Variants in PRKG1 observed in about 807,000 individuals in gnomAD.
PRKG1 encodes the protein protein kinase cGMP-dependent 1.
A neutral mutation model predicts 88.1 loss-of-function variants in PRKG1; 35 were observed. That is an observed-to-expected ratio of 0.40 (90% CI 0.30 to 0.53). PRKG1 has a LOEUF of 0.53. Ranked by LOEUF, PRKG1 falls within the 20% of genes least tolerant of loss-of-function variation. The probability of loss-of-function intolerance (pLI) is 0.59; values close to 1 mark genes in which losing one functional copy is unlikely to be tolerated. For missense variants in PRKG1, 540 were observed against 839.8 expected (o/e 0.64, Z 4.41); for synonymous variants, 303 against 292.5 (o/e 1.04, Z -0.37).
intron 9 of PRKG1, among the ~76,000 whole-genome samples, chr10:52,206,372 T>G (rs2132789864): frequency 6.6e-6 from 1 of 152,290 alleles, no homozygotes. Context: ...ATCTCCATGA[T>G]CTTCACTCCT....
intron 5 of PRKG1, among the ~76,000 whole-genome samples, chr10:52,048,936 T>C (rs1845924481): frequency 6.6e-6 from 1 of 152,180 alleles, no homozygotes; most frequent in African/African-American, 2.4e-5. Context: ...TGTTAGGCAC[T>C]GTTCAAACTG....
chr10:51,032,055 G>C (rs929688335), intron 1 of PRKG1, among the ~76,000 whole-genome samples: 7 of 152,156 alleles, frequency 4.6e-5, no homozygotes, highest in African/African-American at 4.8e-5. Context: ...GAAGTTGAGT[G>C]GGGGGAACTG....
rs1330202552 is a variant in PRKG1 at position 51,369,078 on chromosome 10, G to T, written c.479-98645G>T. ...ATACCTGGAGATTTCGAAGCCCAAGGCTCGTGTTTCTTCAGCTGAAAATCA... is the reference window on the plus strand; with the variant it reads ...ATACCTGGAGATTTCGAAGCCCAAGTCTCGTGTTTCTTCAGCTGAAAATCA... On this transcript the variant is annotated intron_variant, in intron 2 of 17. Coordinates refer to ENST00000373980, the MANE Select transcript of PRKG1 (RefSeq NM_006258.4). 2.6e-5 allele frequency among the ~76,000 whole-genome samples: 4 copies of T among 152,138 alleles called. No homozygotes were observed. The South Asian group carries it at 6.2e-4, about 24-fold the overall frequency.
chr10:51,255,721 A>T (rs1289934953), intron 2 of PRKG1, among the ~76,000 whole-genome samples: 1 of 151,226 alleles, frequency 6.6e-6, no homozygotes, highest in East Asian at 1.9e-4. Context: ...ACTTTTATTA[A>T]ATGGTTAGGC....
intron 1 of PRKG1, among the ~76,000 whole-genome samples, chr10:51,029,105 G>C (rs1276976281): frequency 2.0e-5 from 3 of 152,104 alleles, no homozygotes; most frequent in African/African-American, 7.2e-5. Context: ...TAAATTTGCA[G>C]TGTAAGGTTA....
intron 8 of PRKG1, among the ~76,000 whole-genome samples, chr10:52,156,473 A>G (rs1254392711): frequency 6.6e-6 from 1 of 151,782 alleles, no homozygotes; most frequent in East Asian, 1.9e-4. Flanking sequence ...TAGGTATTGT[A>G]TATGTACATA....
chr10:52,156,547 G>A (rs1461420283), intron 8 of PRKG1, among the ~76,000 whole-genome samples: 3 of 151,746 alleles, frequency 2.0e-5, no homozygotes, highest in East Asian at 1.9e-4. Flanking sequence ...ATAAATGGAT[G>A]GATAACTGGG....
At chr10:51,371,151 G>A (rs911154781) in intron 2 of PRKG1, among the ~76,000 whole-genome samples, 3 of 152,088 alleles carry the variant, frequency 2.0e-5, no homozygotes, top group Non-Finnish European at 4.4e-5. Context: ...TAAGGTCCGT[G>A]ATTGGGATTT....
chr10:51,966,989 G>T (rs1467473855), intron 5 of PRKG1, among the ~76,000 whole-genome samples: 2 of 152,180 alleles, frequency 1.3e-5, no homozygotes, highest in East Asian at 3.9e-4. Context: ...AACCATTGTG[G>T]AAGTCAGTGT....
chr10:51,531,637 CTTTTTTTTTTTTT>C (rs34091409), intron 3 of PRKG1, among the ~76,000 whole-genome samples: 4 of 67,852 alleles, frequency 5.9e-5, no homozygotes, highest in Non-Finnish European at 1.0e-4. Context: ...AAAAAGAATT[CTTTTTTTTTTTTT>C]TTTTTTTTTT....
At chr10:51,933,857 A>C (rs74132820) in intron 5 of PRKG1, among the ~76,000 whole-genome samples, 23,967 of 152,064 alleles carry the variant, frequency 0.16, 2,503 homozygotes, top group African/African-American at 0.28. Context: ...AATATGTGCC[A>C]AAGTCACAAT....
At chr10:51,257,111 C>T (rs921085788) in intron 2 of PRKG1, among the ~76,000 whole-genome samples, 21 of 149,724 alleles carry the variant, frequency 1.4e-4, no homozygotes, top group African/African-American at 5.2e-4. Flanking sequence ...TCCTAGGTGT[C>T]GAGCTTTAAA....
At chr10:52,126,990 A>G (rs1847945534) in intron 7 of PRKG1, among the ~76,000 whole-genome samples, 1 of 152,138 alleles carries the variant, frequency 6.6e-6, no homozygotes, top group African/African-American at 2.4e-5. Context: ...TTGAAAATGT[A>G]TGGCAGAGTG....
chr10:51,673,083 G>T (rs1042521836), intron 3 of PRKG1, among the ~76,000 whole-genome samples: 1 of 152,142 alleles, frequency 6.6e-6, no homozygotes, highest in Non-Finnish European at 1.5e-5. Flanking sequence ...CCCAAGGTCA[G>T]TCCATGTTTA....
At chr10:51,962,298 G>A (rs1265510926) in intron 5 of PRKG1, among the ~76,000 whole-genome samples, 1 of 152,110 alleles carries the variant, frequency 6.6e-6, no homozygotes, top group Non-Finnish European at 1.5e-5. Flanking sequence ...CACTAGTCTT[G>A]CAGCTGTACA....
At chr10:51,271,277 A>G (rs910618360) in intron 2 of PRKG1, among the ~76,000 whole-genome samples, 34 of 151,254 alleles carry the variant, frequency 2.2e-4, no homozygotes, top group Non-Finnish European at 5.9e-5. Context: ...TTTTTTTACA[A>G]TTCTTTTCAG....
chr10:51,195,407 A>T (rs1436393944), intron 2 of PRKG1, among the ~76,000 whole-genome samples: 1 of 152,200 alleles, frequency 6.6e-6, no homozygotes, highest in Admixed American at 6.6e-5. Flanking sequence ...TAATCAAACA[A>T]ATTAAAGATG....
rs111750158 is a variant in PRKG1 at position 51,831,376 on chromosome 10, G to GAA, written c.698+26695_698+26696dup. Among the ~76,000 whole-genome samples the GAA allele has an allele frequency of 4.4e-3, 658 of 148,440 alleles. 1 individual carries two copies. Among genetic ancestry groups the GAA allele is most frequent in the African/African-American group, 0.016 (632 of 40,636 alleles). On this transcript the variant is annotated intron_variant, in intron 4 of 17. Coordinates refer to ENST00000373980, the MANE Select transcript of PRKG1 (RefSeq NM_006258.4). Reference sequence around the variant, plus strand: ...AAAAACCACTTCAATGCTAACCCCAGAAAAAAAAAATCACTGGTAACATTC... The same window carrying GAA: ...AAAAACCACTTCAATGCTAACCCCAGAAAAAAAAAAAATCACTGGTAACATTC...
intron 1 of PRKG1, among the ~76,000 whole-genome samples, chr10:51,021,751 G>A (rs1843139970): frequency 6.6e-6 from 1 of 152,156 alleles, no homozygotes; most frequent in Admixed American, 6.5e-5. Flanking sequence ...TGCAATCTTG[G>A]TTCACTGCAA....
Sources: allele counts gnomAD v4.1 joint callset (sites outside exome capture counted in the v4.1 genomes callset), GRCh38; gene constraint gnomAD v4.1.1; transcripts MANE v1.5; gene names NCBI Gene and HGNC (gene_info 2026-07-23, HGNC 2026-07-21).